The following PDCD11 variants were observed in gnomAD, a reference collection of about 807,000 sequenced individuals.
PDCD11 encodes the protein protein RRP5 homolog.
In PDCD11, 97 loss-of-function variants were observed where a neutral mutation model predicts 198.9. That is an observed-to-expected ratio of 0.49 (90% CI 0.41 to 0.58). The LOEUF is 0.58. Among genes scored for constraint, PDCD11 ranks in the 20% least tolerant of loss-of-function variants. The pLI, the probability that PDCD11 is intolerant of heterozygous loss-of-function variation, is 0.00. For missense variants in PDCD11, 2,102 were observed against 2,312.7 expected, an observed-to-expected ratio of 0.91 and a Z score of 1.87; for synonymous variants, 893 against 918.0, an observed-to-expected ratio of 0.97 and a Z score of 0.49.
chr10:103,432,599 A>G (rs1451955793), intron 22 of PDCD11, among the ~76,000 whole-genome samples: 1 of 152,228 alleles, frequency 6.6e-6, no homozygotes, highest in Non-Finnish European at 1.5e-5. Context: ...GTGCCAGATT[A>G]TGTGTTCCAA....
intron 33 of PDCD11, 50 bp downstream of exon 33, chr10:103,443,383 C>T (rs1418603329): frequency 2.6e-6 from 4 of 1,526,922 alleles, no homozygotes; most frequent in Non-Finnish European, 3.6e-6. Flanking sequence ...GGGCCACAAT[C>T]TCAGAGAAGA....
In PDCD11 at chr10:103,414,090, C is replaced by T. The variant is rs138880245; in HGVS notation, c.1310C>T (p.Thr437Met). Residue 437 changes from threonine to methionine, a missense_variant and splice_region_variant, in exon 10 of 36, where the codon ACG (threonine) becomes ATG (methionine). Thr to Met is a moderately conservative substitution (Grantham distance 81). Coordinates refer to ENST00000369797, the MANE Select transcript of PDCD11 (RefSeq NM_014976.2). ...GAACTGGCCTTGCTCTCTCTACGAA[C>T]GTAAGTCTGTCATTAACAGGTAGGG... ...MDELALLSLR[T>M]SIIEAQYLRY... is the part of the protein sequence containing the mutation. The T allele has an allele frequency of 8.8e-5, 141 of 1,609,752 alleles. No homozygotes were observed. The African/African-American group carries it at 1.5e-3, about 17-fold the overall frequency.
intron 31 of PDCD11, 63 bp downstream of exon 31, chr10:103,442,038 C>T (rs2133753959): frequency 1.3e-6 from 2 of 1,597,406 alleles, no homozygotes; most frequent in Middle Eastern, 1.7e-4. Flanking sequence ...CTCTTGTGCT[C>T]TGTTCCTAGA....
chr10:103,414,101 CA>C lies in PDCD11; in HGVS notation c.1310+12del. 1 of 1,607,446 alleles carries C rather than the reference CA, an allele frequency of 6.2e-7. No homozygotes were observed. The highest frequency in any genetic ancestry group is 8.5e-7 in the Non-Finnish European group (1 of 1,176,530). ...GCTCTCTCTACGAACGTAAGTCTGT[CA>C]TTAACAGGTAGGGGTGTAGAGATGT... On this transcript the variant is annotated intron_variant, in intron 10 of 35. Transcript: ENST00000369797.
rs1370762723 is a variant in PDCD11, at chr10:103,446,214, GC to G, written c.*667del. The stretch of plus-strand genomic sequence containing the variant: ...ATCTGGGCTATTCAAGGTCTTGGAG[GC>G]CAGCACAGACCCAGCTAGTTGTTGA... On this transcript the variant is annotated 3_prime_UTR_variant, in exon 36 of 36. Coordinates refer to ENST00000369797, the MANE Select transcript of PDCD11 (RefSeq NM_014976.2). 1 of 152,360 alleles carries G rather than the reference GC, an allele frequency of 6.6e-6. No individual in the cohort carries two copies. Among genetic ancestry groups the G allele is most frequent in the Non-Finnish European group, 1.5e-5 (1 of 68,166 alleles). 9.4% of individuals were successfully genotyped at this position (152,360 alleles called of 1,614,324 possible).
chr10:103,432,516 A>G (rs541282877), intron 22 of PDCD11, among the ~76,000 whole-genome samples: 1 of 152,248 alleles, frequency 6.6e-6, no homozygotes, highest in Non-Finnish European at 1.5e-5. Flanking sequence ...TAGAATATAA[A>G]TGTATATAAT....
chr10:103,436,394 T>C (rs1291039427), intron 25 of PDCD11, among the ~76,000 whole-genome samples: 1 of 152,190 alleles, frequency 6.6e-6, no homozygotes, highest in Non-Finnish European at 1.5e-5. Flanking sequence ...CAATTGGAGT[T>C]TTAAGACTGT....
chr10:103,442,973 T>C (rs1007927820), intron 32 of PDCD11, among the ~76,000 whole-genome samples, 192 bp from the exon 33 acceptor site: 5 of 151,964 alleles, frequency 3.3e-5, no homozygotes, highest in East Asian at 3.9e-4. Flanking sequence ...GACTCAGCCA[T>C]TGGGGTTGGG....
At chr10:103,431,808 G>T (rs2031947324) in intron 21 of PDCD11, among the ~76,000 whole-genome samples, 1 of 152,142 alleles carries the variant, frequency 6.6e-6, no homozygotes, top group Non-Finnish European at 1.5e-5. Flanking sequence ...GATAATTTTT[G>T]AATGCAGTTT....
chr10:103,409,440 G>A (rs1294335219), intron 7 of PDCD11, among the ~76,000 whole-genome samples: 1 of 152,080 alleles, frequency 6.6e-6, no homozygotes, highest in Non-Finnish European at 1.5e-5. Flanking sequence ...CCATTCCATG[G>A]AGGACTCCCA....
At position 103,445,843 on chromosome 10, in the gene PDCD11, G is replaced by A. The variant is rs1001177599; in HGVS notation, c.*294G>A. 8.8e-6 allele frequency: 3 copies of A among 341,376 alleles called. No individual in the cohort carries two copies. Among genetic ancestry groups the A allele is most frequent in the Non-Finnish European group, 1.1e-5 (2 of 182,458 alleles). 21.1% of individuals were successfully genotyped at this position (341,376 alleles called of 1,614,324 possible). A position where few individuals can be genotyped will look rare whatever the true frequency, so the allele number is the denominator to read the frequency against. On this transcript the variant is annotated 3_prime_UTR_variant, in exon 36 of 36. Transcript: ENST00000369797. ...AAATGCTGAGGGTCCCTCTTCCAGGGGAGTTCCCTGGGGAGCAAGAGTAGA... is the reference window on the plus strand; with the variant it reads ...AAATGCTGAGGGTCCCTCTTCCAGGAGAGTTCCCTGGGGAGCAAGAGTAGA...
intron 9 of PDCD11, among the ~76,000 whole-genome samples, chr10:103,413,653 C>T (rs764494939): frequency 2.6e-5 from 4 of 152,166 alleles, no homozygotes; most frequent in Non-Finnish European, 4.4e-5. Flanking sequence ...TTGTTCAACG[C>T]TGCTGTTATG....
chr10:103,409,219 C>A (rs1231155864), intron 7 of PDCD11, among the ~76,000 whole-genome samples: 2 of 152,146 alleles, frequency 1.3e-5, no homozygotes, highest in East Asian at 3.8e-4. Context: ...TCCCTCACCA[C>A]TATCTTTTGA....
intron 28 of PDCD11, 46 bp from the exon 29 acceptor site, chr10:103,440,244 T>C (rs1269428748): frequency 6.4e-7 from 1 of 1,565,882 alleles, no homozygotes. Context: ...TGTGGTGCCC[T>C]CTGCTTTTTA....
chr10:103,406,351 T>C (rs1401113105), intron 6 of PDCD11, among the ~76,000 whole-genome samples: 1 of 152,216 alleles, frequency 6.6e-6, no homozygotes, highest in Non-Finnish European at 1.5e-5. Context: ...AAGATTCCAC[T>C]GCAATTAGGG....
At chr10:103,427,610 A>G (rs1465975309) in intron 21 of PDCD11, among the ~76,000 whole-genome samples, 2 of 152,184 alleles carry the variant, frequency 1.3e-5, no homozygotes, top group Non-Finnish European at 2.9e-5. Context: ...TTAAGTATCA[A>G]TTTAAAGCCT....
rs145031913 is a variant in PDCD11, at chr10:103,414,274, A to G, written c.1315A>G (p.Ile439Val). The G allele has an allele frequency of 7.4e-6, 12 of 1,613,544 alleles. No individual in the cohort carries two copies. In the East Asian group the frequency reaches 1.6e-4, roughly 21 times the overall value. Reference protein sequence around the residue: ...ELALLSLRTSIIEAQYLRYHD... With the variant: ...ELALLSLRTSVIEAQYLRYHD... ...TGTGTTTTCTCCTTGTCCTAGGTCT[A>G]TTATTGAAGCTCAGTACCTTAGATA... Residue 439 changes from isoleucine (I) to valine (V), a missense_variant, in exon 11 of 36, where the codon ATT becomes GTT. Physicochemically the swap from Ile to Val is conservative, Grantham distance 29. Transcript: ENST00000369797.
rs562208593 is a variant in PDCD11 at position 103,423,011 on chromosome 10, G to T, written c.2521G>T (p.Ala841Ser). The T allele has an allele frequency of 2.5e-6, 4 of 1,580,262 alleles. No individual in the cohort carries two copies. Among genetic ancestry groups the T allele is most frequent in the East Asian group, 4.6e-5 (2 of 43,316 alleles). ...NRDSVLIQTL[A>S]EMTPGMFLDL... ...AGACTCTGTGTTGATCCAGACGCTGGCCGAGATGACCCCAGGAATGTTCCT... is the reference window on the plus strand; with the variant it reads ...AGACTCTGTGTTGATCCAGACGCTGTCCGAGATGACCCCAGGAATGTTCCT... Residue 841 changes from alanine (A) to serine (S), a missense_variant, in exon 18 of 36, where the codon GCC (alanine) becomes TCC (serine). Transcript: ENST00000369797.
At chr10:103,434,760 A>T (rs1038073719) in intron 24 of PDCD11, 38 bp from the exon 25 acceptor site, 1 of 1,567,408 alleles carries the variant, frequency 6.4e-7, no homozygotes, top group Non-Finnish European at 8.7e-7. Flanking sequence ...CCCTTAGCTC[A>T]TTTCCTCTTC....
Sources: allele counts gnomAD v4.1 joint callset (sites outside exome capture counted in the v4.1 genomes callset), GRCh38; gene constraint gnomAD v4.1.1; transcripts MANE v1.5; gene names NCBI Gene and HGNC (gene_info 2026-07-23, HGNC 2026-07-21).